ARHGAP24: variants seen among roughly 807,000 people sequenced by gnomAD.
The protein encoded by ARHGAP24 is rho GTPase-activating protein 24.
In ARHGAP24, 50 loss-of-function variants were observed where a neutral mutation model predicts 76.4. The ratio of observed to expected loss-of-function variants is 0.65; its 90% CI spans 0.52 to 0.83. The LOEUF is 0.83. Ranked by LOEUF, ARHGAP24 falls within the 40% of genes least tolerant of loss-of-function variation. The probability of loss-of-function intolerance (pLI) is 0.00; values close to 1 mark genes in which losing one functional copy is unlikely to be tolerated. For synonymous variants in ARHGAP24, 345 were observed against 323.3 expected (o/e 1.07, Z -0.72); for missense variants, 930 against 914.2 (o/e 1.02, Z -0.22).
intron 4 of ARHGAP24, 57 bp downstream of exon 4, chr4:85,923,827 CT>C: frequency 1.2e-6 from 2 of 1,611,900 alleles, no homozygotes; most frequent in Non-Finnish European, 1.7e-6. Flanking sequence ...CTGTTCATCC[CT>C]TTCCCCCAGC....
intron 3 of ARHGAP24, among the ~76,000 whole-genome samples, chr4:85,832,297 G>A (rs141910371): frequency 6.6e-6 from 1 of 152,260 alleles, no homozygotes; most frequent in Non-Finnish European, 1.5e-5. Flanking sequence ...TTGAGCAGAA[G>A]GATAGTGGCC....
At chr4:85,585,378 C>T (rs892638999) in intron 2 of ARHGAP24, among the ~76,000 whole-genome samples, 1 of 152,200 alleles carries the variant, frequency 6.6e-6, no homozygotes, top group Non-Finnish European at 1.5e-5. Context: ...GGACAGAGAA[C>T]TGAGAAGAGT....
At chr4:85,869,967 T>C (rs1270692244) in intron 3 of ARHGAP24, among the ~76,000 whole-genome samples, 8 of 152,192 alleles carry the variant, frequency 5.3e-5, no homozygotes, top group African/African-American at 1.9e-4. Context: ...CTTTGTGCCT[T>C]TGACTAGTGT....
chr4:85,748,942 G>T (rs147247037), intron 3 of ARHGAP24, among the ~76,000 whole-genome samples: 465 of 152,244 alleles, frequency 3.1e-3, no homozygotes, highest in African/African-American at 0.01. Flanking sequence ...CCTGTTTCTT[G>T]TCAGGCTGTC....
intron 2 of ARHGAP24, among the ~76,000 whole-genome samples, chr4:85,649,559 A>G (rs1192544588): frequency 6.6e-6 from 1 of 152,150 alleles, no homozygotes; most frequent in African/African-American, 2.4e-5. Flanking sequence ...CTGGATAAAC[A>G]GATTGATTTA....
At chr4:85,870,624 G>A (rs1387192564) in intron 3 of ARHGAP24, among the ~76,000 whole-genome samples, 2 of 152,040 alleles carry the variant, frequency 1.3e-5, no homozygotes, top group Non-Finnish European at 2.9e-5. Context: ...ACGAACATAC[G>A]AGTGCTTGGA....
At chr4:85,837,629 G>A (rs1237259371) in intron 3 of ARHGAP24, among the ~76,000 whole-genome samples, 2 of 152,134 alleles carry the variant, frequency 1.3e-5, no homozygotes. Context: ...GGACTCCGAG[G>A]TTGCAGTTCT....
intron 4 of ARHGAP24, chr4:85,931,069 T>A (rs760468811): frequency 3.5e-5 from 56 of 1,594,896 alleles, no homozygotes; most frequent in Non-Finnish European, 4.5e-5. Context: ...TTCATGTCCT[T>A]TTTATAAATA....
At position 85,552,545 on chromosome 4, in the gene ARHGAP24, G is replaced by A. The variant is rs539754185; in HGVS notation, c.-20-17977G>A. Among the ~76,000 whole-genome samples, 5 of 152,292 alleles carry A rather than the reference G, an allele frequency of 3.3e-5. No homozygotes were observed. The East Asian group carries it at 9.7e-4, about 29-fold the overall frequency. On this transcript the variant is annotated intron_variant, in intron 1 of 9. Coordinates refer to ENST00000395184, the MANE Select transcript of ARHGAP24 (RefSeq NM_001025616.3). ...AGATTTGTTAGGTCCATTTGGTCAAGTGTTGAGTTCAAGTCCTGAATATTT... is the reference window on the plus strand; with the variant it reads ...AGATTTGTTAGGTCCATTTGGTCAAATGTTGAGTTCAAGTCCTGAATATTT...
At chr4:85,666,907 TG>T (rs1450443062) in intron 2 of ARHGAP24, among the ~76,000 whole-genome samples, 4 of 152,178 alleles carry the variant, frequency 2.6e-5, no homozygotes, top group Non-Finnish European at 5.9e-5. Flanking sequence ...CTGCCCATAC[TG>T]GGGGGTACCT....
chr4:85,814,330 C>T (rs1729144728), intron 3 of ARHGAP24, among the ~76,000 whole-genome samples: 1 of 152,116 alleles, frequency 6.6e-6, no homozygotes, highest in South Asian at 2.1e-4. Flanking sequence ...CTCAAAAGTC[C>T]ACAGTCCAAA....
intron 3 of ARHGAP24, among the ~76,000 whole-genome samples, chr4:85,813,463 C>T (rs1157936512): frequency 1.3e-5 from 2 of 152,066 alleles, no homozygotes; most frequent in African/African-American, 4.8e-5. Flanking sequence ...TGGTCAACAT[C>T]TATGTGAATT....
At chr4:85,828,882 C>T (rs1289123837) in intron 3 of ARHGAP24, among the ~76,000 whole-genome samples, 1 of 151,536 alleles carries the variant, frequency 6.6e-6, no homozygotes, top group African/African-American at 2.4e-5. Context: ...TTCTGAGACT[C>T]GTATTTGAGA....
intron 5 of ARHGAP24, among the ~76,000 whole-genome samples, chr4:85,949,919 G>A (rs1737507024): frequency 1.3e-5 from 2 of 152,080 alleles, no homozygotes; most frequent in Admixed American, 6.5e-5. Flanking sequence ...TTCTCTTCTG[G>A]GGTTTGCCTT....
intron 2 of ARHGAP24, among the ~76,000 whole-genome samples, chr4:85,691,977 T>C (rs938028127): frequency 2.0e-5 from 3 of 152,204 alleles, no homozygotes; most frequent in African/African-American, 4.8e-5. Context: ...GTTCTATTGG[T>C]TCCACATTTA....
At chr4:85,988,137 G>T (rs1740113127) in intron 8 of ARHGAP24, among the ~76,000 whole-genome samples, 1 of 151,860 alleles carries the variant, frequency 6.6e-6, no homozygotes, top group African/African-American at 2.4e-5. Context: ...AAATCTGTGA[G>T]TAAATTCATC....
intron 3 of ARHGAP24, among the ~76,000 whole-genome samples, chr4:85,737,707 T>C (rs983566081): frequency 1.3e-5 from 2 of 152,160 alleles, no homozygotes; most frequent in Non-Finnish European, 2.9e-5. Context: ...TCACTCTTTC[T>C]TTCAGGTCAC....
intron 3 of ARHGAP24, among the ~76,000 whole-genome samples, chr4:85,768,667 C>CT (rs758314383): frequency 1.3e-5 from 2 of 152,140 alleles, no homozygotes; most frequent in African/African-American, 4.8e-5. Flanking sequence ...ATCCCAGCTA[C>CT]TTAAGAGGCT....
Position 85,783,462 on chromosome 4 carries a change from C to A in ARHGAP24, c.268+61490C>A, listed in dbSNP as rs549993617. On this transcript the variant is annotated intron_variant, in intron 3 of 9. Coordinates refer to ENST00000395184, the MANE Select transcript of ARHGAP24 (RefSeq NM_001025616.3). ...TGAAATGACTTGGAAATTAGTGAGT[C>A]CTGATCACTTTTTTTTTTTTAAGAG... is the stretch of plus-strand genomic sequence containing the variant. Among the ~76,000 whole-genome samples the A allele has an allele frequency of 1.9e-4, 29 of 151,832 alleles. 1 individual carries two copies. The South Asian group carries it at 5.8e-3, about 30-fold the overall frequency.
Sources: gnomAD v4.1 joint callset for allele counts (sites outside exome capture counted in the v4.1 genomes callset) on GRCh38, gnomAD v4.1.1 for gene constraint, MANE v1.5 for transcripts, NCBI Gene and HGNC (gene_info 2026-07-23, HGNC 2026-07-21) for gene names.